Variants in CHD3 observed in about 807,000 individuals in gnomAD.
The protein encoded by CHD3 is chromodomain helicase DNA binding protein 3, also known as ATP-dependent chromatin remodeler CHD3.
In CHD3, 52 loss-of-function variants were observed where a neutral mutation model predicts 248.9. The observed-to-expected ratio is 0.21, with a 90% CI of 0.17 to 0.26. The LOEUF (loss-of-function observed/expected upper bound fraction) is 0.26, where lower values mean the gene tolerates loss of function less well. Ranked by LOEUF, CHD3 falls within the 10% of genes least tolerant of loss-of-function variation. The pLI is 1.00. For missense variants in CHD3, 1,482 were observed against 2,605.8 expected, an observed-to-expected ratio of 0.57 and a Z score of 9.39; for synonymous variants, 985 against 985.2, an observed-to-expected ratio of 1.00 and a Z score of 0.00.
Position 7,910,890 on chromosome 17 carries a change from C to T in CHD3, c.5798C>T (p.Ala1933Val), listed in dbSNP as rs140448992. 56 of 1,612,946 alleles carry T rather than the reference C, an allele frequency of 3.5e-5. No individual in the cohort carries two copies. The highest frequency in any genetic ancestry group is 2.7e-4 in the East Asian group (12 of 44,874). Residue 1933 changes from alanine to valine, a missense_variant, in exon 39 of 40, where the codon GCG becomes GTG. Physicochemically the swap from Ala to Val is moderately conservative, Grantham distance 64 (BLOSUM62 0). Around this residue, in one of 20 missense-constraint regions of CHD3, gnomAD observed 117 missense variants for 137.2 expected, o/e 0.85. Coordinates refer to ENST00000330494, the MANE Select transcript of CHD3 (RefSeq NM_001005273.3). The surrounding 1 kb of genome is among the most constrained non-coding windows in gnomAD (Gnocchi z 4.7). ...GPYATPPGYGAAFSAAPVGAL... is the reference protein window; with the variant it reads ...GPYATPPGYGVAFSAAPVGAL... ...TACGCTACACCTCCGGGGTACGGGG[C>T]GGCCTTCAGCGCCGCACCCGTAGGG...
chr17:7,909,310 C>A lies in CHD3; in HGVS notation c.5562C>A (p.Asn1854Lys), dbSNP rs1372453055. Reference sequence around the variant, plus strand: ...TCTCCAAGGAGTCGCTGGCGGGGAACAAGCCGGCCAACGCCGTCCTGCACA... The same window carrying A: ...TCTCCAAGGAGTCGCTGGCGGGGAAAAAGCCGGCCAACGCCGTCCTGCACA... Reference protein sequence around the residue: ...QHLSKESLAGNKPANAVLHKV... With the variant: ...QHLSKESLAGKKPANAVLHKV... Residue 1854 changes from asparagine to lysine, a missense_variant, in exon 37 of 40, where the codon AAC becomes AAA. This residue lies in a region of CHD3 where 83 missense variants were observed against 181.0 expected (regional missense o/e 0.46). Transcript: ENST00000330494. This position sits in a 1 kb window ranked among gnomAD's most constrained non-coding sequence, Gnocchi z 8.1. The A allele has an allele frequency of 6.4e-7, 1 of 1,559,488 alleles. No individual in the cohort carries two copies. Among genetic ancestry groups the A allele is most frequent in the Non-Finnish European group, 8.7e-7 (1 of 1,153,516 alleles).
Position 7,911,687 on chromosome 17 carries a change from G to A in CHD3, c.*102G>A. ...CAGCCCTCCACCTTCCCCACCCCTT[G>A]GGCCATCACTGGGCTAGGAACCCCT... On this transcript the variant is annotated 3_prime_UTR_variant, in exon 40 of 40. Transcript: ENST00000330494. The surrounding 1 kb of genome is among the most constrained non-coding windows in gnomAD (Gnocchi z 5.4). 6.3e-7 allele frequency: 1 copy of A among 1,590,166 alleles called. No homozygotes were observed. The highest frequency in any genetic ancestry group is 8.6e-7 in the Non-Finnish European group (1 of 1,167,714).
In CHD3 at chr17:7,895,084, C is replaced by T. The variant is rs982251586; in HGVS notation, c.1437C>T (p.His479=). 14 of 1,614,022 alleles carry T rather than the reference C, an allele frequency of 8.7e-6. No individual in the cohort carries two copies. The highest frequency in any genetic ancestry group is 1.2e-5 in the Non-Finnish European group (14 of 1,180,016). ...GTGACGCGTGCATCTCCTCCTACCA[C>T]ATTCATTGTCTAAACCCTCCCCTGC... The part of the protein sequence containing the change: ...LCCDACISSY[H]IHCLNPPLPD... The change falls in exon 9 of 40, where the codon CAC becomes CAT. Residue 479 remains histidine (H), a synonymous_variant. Coordinates refer to ENST00000330494, the MANE Select transcript of CHD3 (RefSeq NM_001005273.3). The surrounding 1 kb of genome is among the most constrained non-coding windows in gnomAD (Gnocchi z 4.9).
rs757766809 is a variant in CHD3, at chr17:7,910,938, A to G, written c.5846A>G (p.Asn1949Ser). 4.3e-6 allele frequency: 7 copies of G among 1,613,616 alleles called. No individual in the cohort carries two copies. Among genetic ancestry groups the G allele is most frequent in the Admixed American group, 1.7e-5 (1 of 59,770 alleles). Residue 1949 changes from asparagine (N) to serine (S), a missense_variant, in exon 39 of 40, where the codon AAT becomes AGT. Around this residue, in one of 20 missense-constraint regions of CHD3, gnomAD observed 117 missense variants for 137.2 expected, o/e 0.85. Coordinates refer to ENST00000330494, the MANE Select transcript of CHD3 (RefSeq NM_001005273.3). The surrounding 1 kb of genome is among the most constrained non-coding windows in gnomAD (Gnocchi z 4.7). ...GGGGCCCTGGCCGCCGCAGGCGCCA[A>G]TTACAGCCAGATGCCTGCAGGGTCC... is the stretch of plus-strand genomic sequence containing the variant. The part of the protein sequence containing the change: ...PVGALAAAGA[N>S]YSQMPAGSFI...
chr17:7,904,029 G>A lies in CHD3; in HGVS notation c.3894+38G>A, dbSNP rs1353974219. 4.4e-6 allele frequency: 7 copies of A among 1,603,154 alleles called. No individual in the cohort carries two copies. The South Asian group carries it at 7.8e-5, about 18-fold the overall frequency. On this transcript the variant is annotated intron_variant, in intron 24 of 39. Transcript: ENST00000330494. The surrounding 1 kb of genome is among the most constrained non-coding windows in gnomAD (Gnocchi z 4.4). ...GGGGGCCAGACATTATCTATCCCAG[G>A]CCATCTCCAAAAGGCAGTATCCTTT...
rs572653426 is a variant in CHD3 at position 7,910,347 on chromosome 17, T to G, written c.5591-81T>G. 58 of 1,560,830 alleles carry G rather than the reference T, an allele frequency of 3.7e-5. No individual in the cohort carries two copies. Among genetic ancestry groups the G allele is most frequent in the Admixed American group, 2.2e-4 (13 of 59,970 alleles). On this transcript the variant is annotated intron_variant, in intron 37 of 39. Transcript: ENST00000330494. This position sits in a 1 kb window ranked among gnomAD's most constrained non-coding sequence, Gnocchi z 4.7. ...CTTTTTCTGCCTGTATCTGTCCATCTGATGCCTCTCTTTTCCTGGCTCCAT... is the reference window on the plus strand; with the variant it reads ...CTTTTTCTGCCTGTATCTGTCCATCGGATGCCTCTCTTTTCCTGGCTCCAT...
upstream of CHD3, chr17:7,885,223 C>G (rs1665078600): frequency 2.4e-6 from 2 of 824,874 alleles, no homozygotes; most frequent in Non-Finnish European, 2.9e-6. Context: ...CCCGTGGCCC[C>G]GCGGCGGTCC....
In CHD3 at chr17:7,910,128, G is replaced by T; in HGVS notation, c.5591-300G>T. On this transcript the variant is annotated intron_variant, in intron 37 of 39. Coordinates refer to ENST00000330494, the MANE Select transcript of CHD3 (RefSeq NM_001005273.3). The surrounding 1 kb of genome is among the most constrained non-coding windows in gnomAD (Gnocchi z 4.7). Reference sequence around the variant, plus strand: ...ACTCCCCGCCCCCATGTCTTCCAATGTCCCCCCATCTTCCTTTCCTCCATG... The same window carrying T: ...ACTCCCCGCCCCCATGTCTTCCAATTTCCCCCCATCTTCCTTTCCTCCATG... 3 of 382,628 alleles carry T rather than the reference G, an allele frequency of 7.8e-6. No individual in the cohort carries two copies. Among genetic ancestry groups the T allele is most frequent in the South Asian group, 3.2e-5 (1 of 31,120 alleles). The allele number at this position is 382,628 out of a possible 1,614,324, so 23.7% of individuals were successfully genotyped here.
rs759152846 is a variant in CHD3 at position 7,904,131 on chromosome 17, G to GA, written c.3894+141dup. The GA allele has an allele frequency of 2.4e-6, 2 of 840,402 alleles. No individual in the cohort carries two copies. Among genetic ancestry groups the GA allele is most frequent in the African/African-American group, 3.4e-5 (2 of 58,424 alleles). 52.1% of individuals were successfully genotyped at this position (840,402 alleles called of 1,614,324 possible). A position where few individuals can be genotyped will look rare whatever the true frequency, so the allele number is the denominator to read the frequency against. ...CAAACAACTTCTTCGTCTAATAGGTGAGACTGGACTTCAGAGAGAAACGTA... is the reference window on the plus strand; with the variant it reads ...CAAACAACTTCTTCGTCTAATAGGTGAAGACTGGACTTCAGAGAGAAACGTA... On this transcript the variant is annotated intron_variant, in intron 24 of 39. Coordinates refer to ENST00000330494, the MANE Select transcript of CHD3 (RefSeq NM_001005273.3). The surrounding 1 kb of genome is among the most constrained non-coding windows in gnomAD (Gnocchi z 4.4).
In CHD3 at chr17:7,908,388, T is replaced by C. The variant is rs1971251627; in HGVS notation, c.5153-14T>C. 6.2e-7 allele frequency: 1 copy of C among 1,607,636 alleles called. No homozygotes were observed. Among genetic ancestry groups the C allele is most frequent in the South Asian group, 1.1e-5 (1 of 90,150 alleles). The stretch of plus-strand genomic sequence containing the variant: ...AAACCCTGTTACCTCTTCTGTCTGC[T>C]GCCTTCTTTGCAGAGCTTCACACAC... On this transcript the variant is annotated splice_polypyrimidine_tract_variant and intron_variant, in intron 34 of 39. Coordinates refer to ENST00000330494, the MANE Select transcript of CHD3 (RefSeq NM_001005273.3). The surrounding 1 kb of genome is among the most constrained non-coding windows in gnomAD (Gnocchi z 5.8).
Position 7,895,216 on chromosome 17 carries a change from C to T in CHD3, c.1503+66C>T. The T allele has an allele frequency of 6.3e-7, 1 of 1,585,530 alleles. No homozygotes were observed. Among genetic ancestry groups the T allele is most frequent in the Non-Finnish European group, 8.6e-7 (1 of 1,162,618 alleles). On this transcript the variant is annotated intron_variant, in intron 9 of 39. Transcript: ENST00000330494. This position sits in a 1 kb window ranked among gnomAD's most constrained non-coding sequence, Gnocchi z 4.9. ...TGATCCCTTCCCCCATCCCTGGGGC[C>T]CACATGTCCAGCTTTTCATTTCTCT...
rs779994651 is a variant in CHD3, at chr17:7,904,040, A to C, written c.3894+49A>C. On this transcript the variant is annotated intron_variant, in intron 24 of 39. Transcript: ENST00000330494. This position sits in a 1 kb window ranked among gnomAD's most constrained non-coding sequence, Gnocchi z 4.4. Reference sequence around the variant, plus strand: ...ATTATCTATCCCAGGCCATCTCCAAAAGGCAGTATCCTTTACTCAGCCTTG... The same window carrying C: ...ATTATCTATCCCAGGCCATCTCCAACAGGCAGTATCCTTTACTCAGCCTTG... 5.7e-6 allele frequency: 9 copies of C among 1,590,248 alleles called. No homozygotes were observed. The highest frequency in any genetic ancestry group is 7.7e-6 in the Non-Finnish European group (9 of 1,163,068).
chr17:7,903,804 GT>G lies in CHD3; in HGVS notation c.3728-18del. Reference sequence around the variant, plus strand: ...CTAAACTTTGGAACCCAAAGTTCCCGTTTGTTTTCCCTCTCACCAGGGGAGA... The same window carrying G: ...CTAAACTTTGGAACCCAAAGTTCCCGTTGTTTTCCCTCTCACCAGGGGAGA... On this transcript the variant is annotated intron_variant, in intron 23 of 39. Transcript: ENST00000330494. The surrounding 1 kb of genome is among the most constrained non-coding windows in gnomAD (Gnocchi z 6.8). The G allele has an allele frequency of 6.2e-7, 1 of 1,610,874 alleles. No individual in the cohort carries two copies. Among genetic ancestry groups the G allele is most frequent in the African/African-American group, 1.3e-5 (1 of 74,968 alleles).
chr17:7,885,666 C>T (rs1233191932), upstream of CHD3, among the ~76,000 whole-genome samples: 2 of 152,092 alleles, frequency 1.3e-5, no homozygotes, highest in African/African-American at 2.4e-5. Flanking sequence ...GGGCCTGCCC[C>T]CTCCGCTCAG....
rs1335387768 is a variant in CHD3, at chr17:7,900,642, C to T, written c.2889C>T (p.His963=). The change falls in exon 18 of 40, where the codon CAC becomes CAT. Residue 963 remains histidine (H), a synonymous_variant. Transcript: ENST00000330494. This position sits in a 1 kb window ranked among gnomAD's most constrained non-coding sequence, Gnocchi z 6.5. The part of the protein sequence containing the change: ...IKKLHDLLGP[H]MLRRLKADVF... The stretch of plus-strand genomic sequence containing the variant: ...AACTGCATGATTTGCTGGGGCCACA[C>T]ATGCTGCGGAGACTCAAGGCAGATG... 6.2e-7 allele frequency: 1 copy of T among 1,613,982 alleles called. No individual in the cohort carries two copies. The highest frequency in any genetic ancestry group is 1.3e-5 in the African/African-American group (1 of 74,892).
rs755088269 is a variant in CHD3, at chr17:7,910,836, C to G, written c.5755-11C>G. 5.0e-6 allele frequency: 8 copies of G among 1,587,360 alleles called. No individual in the cohort carries two copies. Among genetic ancestry groups the G allele is most frequent in the South Asian group, 3.4e-5 (3 of 87,274 alleles). On this transcript the variant is annotated splice_polypyrimidine_tract_variant and intron_variant, in intron 38 of 39. Coordinates refer to ENST00000330494, the MANE Select transcript of CHD3 (RefSeq NM_001005273.3). This position sits in a 1 kb window ranked among gnomAD's most constrained non-coding sequence, Gnocchi z 4.7. ...GAACTAACTCCAACTTCTGCTTCCT[C>G]TCTGTTCCAGGCCTACCCGCCGGGT...
upstream of CHD3, among the ~76,000 whole-genome samples, chr17:7,886,657 CCT>C (rs1967998354): frequency 1.3e-5 from 2 of 152,130 alleles, no homozygotes. The surrounding 1 kb of genome is among the most constrained non-coding windows in gnomAD (Gnocchi z 4.2). Flanking sequence ...CAGAGAGCCC[CCT>C]GCCTTGGCAG....
At position 7,891,072 on chromosome 17, in the gene CHD3, A is replaced by G. The variant is rs1968779552; in HGVS notation, c.509+8A>G. On this transcript the variant is annotated splice_region_variant and intron_variant, in intron 4 of 39. Coordinates refer to ENST00000330494, the MANE Select transcript of CHD3 (RefSeq NM_001005273.3). Reference sequence around the variant, plus strand: ...CTTCAGCCAGTTCATGAGGTGCGGTAAGACTGGGGAATCCTCGCTAATTGA... The same window carrying G: ...CTTCAGCCAGTTCATGAGGTGCGGTGAGACTGGGGAATCCTCGCTAATTGA... 3.1e-6 allele frequency: 5 copies of G among 1,612,736 alleles called. No individual in the cohort carries two copies. Among genetic ancestry groups the G allele is most frequent in the Non-Finnish European group, 4.2e-6 (5 of 1,178,906 alleles).
rs932971561 is a variant in CHD3, at chr17:7,897,854, C to T, written c.1920-117C>T. On this transcript the variant is annotated intron_variant, in intron 11 of 39. Transcript: ENST00000330494. The surrounding 1 kb of genome is among the most constrained non-coding windows in gnomAD (Gnocchi z 4.8). ...CTCCCTTCCAGCAGCTCACTGTTGA[C>T]GGTTGGGTGACAAATTTTGTGTGTT... 47 of 1,134,340 alleles carry T rather than the reference C, an allele frequency of 4.1e-5. No homozygotes were observed. Among genetic ancestry groups the T allele is most frequent in the Middle Eastern group, 3.0e-4 (1 of 3,384 alleles). The allele number at this position is 1,134,340 out of a possible 1,614,324, so 70.3% of individuals were successfully genotyped here. A position where few individuals can be genotyped will look rare whatever the true frequency, so the allele number is the denominator to read the frequency against.
Sources: gnomAD v4.1 joint callset for allele counts (sites outside exome capture counted in the v4.1 genomes callset) on GRCh38, gnomAD v4.1.1 for gene constraint, gnomAD v4.1.1 regional missense constraint, Gnocchi (gnomAD v3.1) non-coding constraint, MANE v1.5 for transcripts, NCBI Gene and HGNC (gene_info 2026-07-23, HGNC 2026-07-21) for gene names.